BLVRB: variants seen among roughly 807,000 people sequenced by gnomAD.
BLVRB encodes biliverdin reductase B.
Under a neutral mutation model 21.1 loss-of-function variants are expected in BLVRB, and 25 were observed. The ratio of observed to expected loss-of-function variants is 1.19; its 90% CI spans 0.86 to 1.66. The LOEUF (loss-of-function observed/expected upper bound fraction) is 1.66, where lower values mean the gene tolerates loss of function less well. Ranked by LOEUF, BLVRB falls within the 40% of genes most tolerant of loss-of-function variation. The probability of loss-of-function intolerance (pLI) is 0.00; values close to 1 mark genes in which losing one functional copy is unlikely to be tolerated. For synonymous variants in BLVRB, 128 were observed against 122.2 expected (o/e 1.05, Z -0.31); for missense variants, 274 against 282.7 (o/e 0.97, Z 0.22).
chr19:40,450,842 GTATCTATCTATCTATC>G (rs200198444), intron 4 of BLVRB, among the ~76,000 whole-genome samples: 62 of 144,736 alleles, frequency 4.3e-4, no homozygotes, highest in Middle Eastern at 3.5e-3. Context: ...CCTGGCCTAT[GTATCTATCTATCTATC>G]TATCTATCTA....
At chr19:40,460,247 C>T (rs55696496) in intron 1 of BLVRB, among the ~76,000 whole-genome samples, 6,475 of 118,420 alleles carry the variant, frequency 0.055, 318 homozygotes, top group South Asian at 0.087. Context: ...GTAATAGCAA[C>T]ATATATATAT....
intron 3 of BLVRB, among the ~76,000 whole-genome samples, chr19:40,453,096 G>A (rs949087657): frequency 1.3e-5 from 2 of 151,904 alleles, no homozygotes; most frequent in African/African-American, 4.8e-5. Context: ...TTTTTGTAGC[G>A]ATGGAGGTCT....
intron 3 of BLVRB, among the ~76,000 whole-genome samples, chr19:40,453,652 C>A (rs1333162296): frequency 6.6e-6 from 1 of 152,270 alleles, no homozygotes; most frequent in Middle Eastern, 3.4e-3. Flanking sequence ...ACTGGATCGA[C>A]CACTGGCCAG....
intron 3 of BLVRB, among the ~76,000 whole-genome samples, chr19:40,452,890 C>CAAA (rs897817837): frequency 2.1e-5 from 2 of 93,386 alleles, no homozygotes; most frequent in African/African-American, 6.9e-5. Flanking sequence ...CAAAACAAAA[C>CAAA]AAAACAAAAA....
At chr19:40,465,397 G>A (rs1306189832) in intron 1 of BLVRB, among the ~76,000 whole-genome samples, 1 of 152,206 alleles carries the variant, frequency 6.6e-6, no homozygotes, top group Non-Finnish European at 1.5e-5. Context: ...GGGCTCCCGG[G>A]GCCAATTCCT....
At chr19:40,451,515 T>C (rs878937627) in intron 3 of BLVRB, 23 bp from the exon 4 acceptor site, 1 of 1,566,106 alleles carries the variant, frequency 6.4e-7, no homozygotes, top group South Asian at 1.2e-5. Context: ...CAGGGCAGGA[T>C]CAGCCTGGGC....
intron 3 of BLVRB, among the ~76,000 whole-genome samples, chr19:40,455,308 G>A (rs1465886675): frequency 6.6e-6 from 1 of 152,216 alleles, no homozygotes; most frequent in East Asian, 1.9e-4. Flanking sequence ...AATAATTAGA[G>A]GCTGGAAGAT....
rs750507070 is a variant in BLVRB, at chr19:40,458,529, C to T, written c.96G>A (p.Val32=). 1.6e-5 allele frequency: 25 copies of T among 1,609,300 alleles called. No homozygotes were observed. The highest frequency in any genetic ancestry group is 2.0e-5 in the Non-Finnish European group (23 of 1,177,864). The stretch of plus-strand genomic sequence containing the variant: ...GCAGCCTGGAGGAGTCCCGCACCAG[C>T]ACTGTCACTTCGTAACCTGTGGGCA... ...QAVQAGYEVT[V]LVRDSSRLPS... The change falls in exon 2 of 5, where the codon GTG becomes GTA. Residue 32 remains valine, a synonymous_variant. Coordinates refer to ENST00000263368, the MANE Select transcript of BLVRB (RefSeq NM_000713.3).
At chr19:40,456,762 C>T (rs1479239892) in intron 3 of BLVRB, among the ~76,000 whole-genome samples, 2 of 151,994 alleles carry the variant, frequency 1.3e-5, no homozygotes, top group Non-Finnish European at 2.9e-5. Flanking sequence ...TGGCAGGCGC[C>T]GGTAATCCCA....
intron 1 of BLVRB, among the ~76,000 whole-genome samples, chr19:40,459,327 C>CAAAAAAAAAAAAAAAAAAAAAA (rs751696189): frequency 2.9e-5 from 1 of 34,398 alleles, no homozygotes; most frequent in Non-Finnish European, 5.3e-5. Context: ...GACTCTATCT[C>CAAAAAAAAAAAAAAAAAAAAAA]AAAAAAAAAA....
At position 40,458,442 on chromosome 19, in the gene BLVRB, C is replaced by G; in HGVS notation, c.183G>C (p.Val61=). The G allele has an allele frequency of 1.3e-6, 2 of 1,597,604 alleles. No homozygotes were observed. The highest frequency in any genetic ancestry group is 2.3e-5 in the South Asian group (2 of 88,166). ...CGTCCTGCCCAGCCACGGTCTTGTC[C>G]ACATCGGCTGCCTGCAGAACATCTC... The part of the protein sequence containing the change: ...VVGDVLQAAD[V]DKTVAGQDAV... The change falls in exon 2 of 5, where the codon GTG becomes GTC. Residue 61 remains valine, a synonymous_variant. Transcript: ENST00000263368.
intron 4 of BLVRB, among the ~76,000 whole-genome samples, chr19:40,449,790 G>C (rs996872421): frequency 6.6e-6 from 1 of 152,178 alleles, no homozygotes; most frequent in Non-Finnish European, 1.5e-5. Flanking sequence ...CATGGAGAGA[G>C]AGAGAGGAGG....
chr19:40,464,887 T>C (rs2079803903), intron 1 of BLVRB, among the ~76,000 whole-genome samples: 1 of 152,096 alleles, frequency 6.6e-6, no homozygotes, highest in Non-Finnish European at 1.5e-5. Context: ...TGGGAGTTGG[T>C]CAAGTCTGGG....
intron 1 of BLVRB, among the ~76,000 whole-genome samples, chr19:40,459,324 T>A (rs1445857330): frequency 2.9e-5 from 1 of 34,760 alleles, no homozygotes; most frequent in African/African-American, 1.3e-4. Flanking sequence ...CGAGACTCTA[T>A]CTCAAAAAAA....
At chr19:40,456,173 G>A (rs1347067402) in intron 3 of BLVRB, among the ~76,000 whole-genome samples, 1 of 152,088 alleles carries the variant, frequency 6.6e-6, no homozygotes, top group Non-Finnish European at 1.5e-5. Flanking sequence ...CTTCAAATGG[G>A]TCAGAAAAAA....
chr19:40,465,693 C>T lies in BLVRB; in HGVS notation c.-5G>A. The T allele has an allele frequency of 6.2e-7, 1 of 1,612,520 alleles. No homozygotes were observed. The highest frequency in any genetic ancestry group is 8.5e-7 in the Non-Finnish European group (1 of 1,179,654). Reference sequence around the variant, plus strand: ...CGCGATCTTCTTGACGGCCATCGTACGGGATCGTGGGGGTGCAAGGCCTCA... The same window carrying T: ...CGCGATCTTCTTGACGGCCATCGTATGGGATCGTGGGGGTGCAAGGCCTCA... On this transcript the variant is annotated 5_prime_UTR_variant, in exon 1 of 5. Transcript: ENST00000263368.
intron 4 of BLVRB, among the ~76,000 whole-genome samples, chr19:40,451,083 C>G (rs2079737749): frequency 6.6e-6 from 1 of 152,156 alleles, no homozygotes; most frequent in South Asian, 2.1e-4. Flanking sequence ...ACCCTGTAAT[C>G]CAGCCTTAGT....
At chr19:40,462,279 C>CCTT (rs1568741061) in intron 1 of BLVRB, among the ~76,000 whole-genome samples, 1 of 129,610 alleles carries the variant, frequency 7.7e-6, no homozygotes, top group African/African-American at 2.9e-5. Context: ...TATGGGCATT[C>CCTT]TTTTTTTTTT....
In BLVRB at chr19:40,448,198, C is replaced by T. The variant is rs553623102; in HGVS notation, c.464-152G>A. 1.2e-5 allele frequency: 9 copies of T among 744,826 alleles called. No homozygotes were observed. In the African/African-American group the frequency reaches 1.2e-4, roughly 10 times the overall value. 46.1% of individuals were successfully genotyped at this position (744,826 alleles called of 1,614,324 possible). ...AATGGACTTTCCATATGCAGGTGCT[C>T]ATCTATATCCTTTGCTTCATTCATT... is the stretch of plus-strand genomic sequence containing the variant. On this transcript the variant is annotated intron_variant, in intron 4 of 4. Transcript: ENST00000263368.
Sources: allele counts gnomAD v4.1 joint callset (sites outside exome capture counted in the v4.1 genomes callset), GRCh38; gene constraint gnomAD v4.1.1; transcripts MANE v1.5; gene names NCBI Gene and HGNC (gene_info 2026-07-23, HGNC 2026-07-21).